Variants in SPATA17 observed in about 807,000 individuals in gnomAD.
The protein encoded by SPATA17 is spermatogenesis associated 17.
SPATA17 carries 53 observed loss-of-function variants against 62.2 expected under a neutral mutation model. The observed-to-expected ratio is 0.85, with a 90% confidence interval of 0.68 to 1.07. The LOEUF is 1.07. Ranked by LOEUF, SPATA17 falls within the 50% of genes least tolerant of loss-of-function variation. SPATA17 has a pLI of 0.00. For synonymous variants in SPATA17, 146 were observed against 146.8 expected (o/e 0.99, Z 0.04); for missense variants, 466 against 425.5 (o/e 1.10, Z -0.84).
Position 217,868,572 on chromosome 1 carries a change from T to C in SPATA17, c.*1553T>C, listed in dbSNP as rs975879539. ...ACAGCCCATGTAATTTATTGAATAT[T>C]GTACTAAAAGTGAAAAACTGAATAG... On this transcript the variant is annotated 3_prime_UTR_variant, in exon 11 of 11. Transcript: ENST00000366933. 6.6e-6 allele frequency: 1 copy of C among 152,052 alleles called. No homozygotes were observed. The highest frequency in any genetic ancestry group is 1.5e-5 in the Non-Finnish European group (1 of 68,006). The allele number at this position is 152,052 out of a possible 1,614,324, so 9.4% of individuals were successfully genotyped here.
At chr1:217,773,179 C>T (rs756813675) in intron 6 of SPATA17, among the ~76,000 whole-genome samples, 1 of 152,072 alleles carries the variant, frequency 6.6e-6, no homozygotes, top group Non-Finnish European at 1.5e-5. Flanking sequence ...CTTAGGTTTT[C>T]GAAGACAGCT....
At chr1:217,769,803 G>A (rs1673392777) in intron 6 of SPATA17, among the ~76,000 whole-genome samples, 2 of 152,172 alleles carry the variant, frequency 1.3e-5, no homozygotes, top group African/African-American at 4.8e-5. Flanking sequence ...CTATATCTGA[G>A]GGTTAACTAT....
intron 5 of SPATA17, among the ~76,000 whole-genome samples, chr1:217,705,303 A>G (rs1477061578): frequency 7.1e-6 from 1 of 141,236 alleles, no homozygotes; most frequent in African/African-American, 2.5e-5. Context: ...TCTGGATATT[A>G]GAACTTTGTC....
chr1:217,767,686 A>G lies in SPATA17; in HGVS notation c.520-6648A>G, dbSNP rs1407232686. Among the ~76,000 whole-genome samples, 3 of 152,160 alleles carry G rather than the reference A, an allele frequency of 2.0e-5. No individual in the cohort carries two copies. The East Asian group carries it at 5.8e-4, about 29-fold the overall frequency. The stretch of plus-strand genomic sequence containing the variant: ...CAAAGCCATTCTTCATTTCTGCTAC[A>G]GTGTTGGTTCTTTAATAGTTTTCCA... On this transcript the variant is annotated intron_variant, in intron 6 of 10. Coordinates refer to ENST00000366933, the MANE Select transcript of SPATA17 (RefSeq NM_138796.4).
chr1:217,668,537 G>A (rs1467815537), intron 3 of SPATA17, among the ~76,000 whole-genome samples: 4 of 152,144 alleles, frequency 2.6e-5, no homozygotes, highest in Non-Finnish European at 5.9e-5. Flanking sequence ...TGCATAGATG[G>A]TTGGAAGGCA....
intron 5 of SPATA17, among the ~76,000 whole-genome samples, chr1:217,738,929 G>C (rs1672570545): frequency 6.6e-6 from 1 of 152,184 alleles, no homozygotes. Flanking sequence ...TCCAGCGTGG[G>C]TGACAGAGCA....
chr1:217,703,525 G>A (rs535683920), intron 5 of SPATA17, among the ~76,000 whole-genome samples: 20 of 152,254 alleles, frequency 1.3e-4, no homozygotes, highest in African/African-American at 4.6e-4. Flanking sequence ...TGTGATGTTG[G>A]TCAAGCTGTC....
intron 1 of SPATA17, among the ~76,000 whole-genome samples, chr1:217,636,916 A>C (rs1258927974): frequency 1.3e-5 from 2 of 152,218 alleles, no homozygotes; most frequent in African/African-American, 2.4e-5. Flanking sequence ...TTTTTTAACA[A>C]TATGTAAGAA....
At chr1:217,809,478 G>A (rs1248116895) in intron 9 of SPATA17, among the ~76,000 whole-genome samples, 6 of 152,184 alleles carry the variant, frequency 3.9e-5, no homozygotes, top group Admixed American at 3.3e-4. Context: ...GCATCTTCCT[G>A]GCTTCTGGTG....
chr1:217,802,336 T>C (rs1260191621), intron 9 of SPATA17, among the ~76,000 whole-genome samples: 1 of 152,224 alleles, frequency 6.6e-6, no homozygotes, highest in African/African-American at 2.4e-5. Flanking sequence ...GAGTGTCATA[T>C]GCACTTTCAT....
chr1:217,756,821 T>C (rs1673054779), intron 6 of SPATA17, among the ~76,000 whole-genome samples: 2 of 152,218 alleles, frequency 1.3e-5, no homozygotes, highest in Non-Finnish European at 2.9e-5. Flanking sequence ...ATCTACTTAG[T>C]ATTTTCATCT....
chr1:217,765,591 T>G (rs746008639), intron 6 of SPATA17, among the ~76,000 whole-genome samples: 2 of 152,024 alleles, frequency 1.3e-5, no homozygotes, highest in African/African-American at 4.8e-5. Flanking sequence ...CTGTTATTGA[T>G]TTCTAGTTTA....
chr1:217,732,106 C>CTCTCTCTCTCTCTCTG (rs1672415073), intron 5 of SPATA17, among the ~76,000 whole-genome samples: 2 of 151,978 alleles, frequency 1.3e-5, no homozygotes, highest in Non-Finnish European at 2.9e-5. Flanking sequence ...CTCTCTCTCT[C>CTCTCTCTCTCTCTCTG]TGTCTCACCA....
chr1:217,850,346 G>T (rs1298318369), intron 9 of SPATA17: 1 of 582,968 alleles, frequency 1.7e-6, no homozygotes, highest in Non-Finnish European at 2.9e-6. Context: ...GGGGGCAGAT[G>T]GCTATAGTGC....
At chr1:217,737,003 T>C (rs1409018719) in intron 5 of SPATA17, among the ~76,000 whole-genome samples, 1 of 152,084 alleles carries the variant, frequency 6.6e-6, no homozygotes, top group African/African-American at 2.4e-5. Context: ...GGAAAACTAA[T>C]ATATGTAATA....
At chr1:217,818,124 T>C (rs1339619492) in intron 9 of SPATA17, among the ~76,000 whole-genome samples, 1 of 152,052 alleles carries the variant, frequency 6.6e-6, no homozygotes, top group Admixed American at 6.6e-5. Flanking sequence ...TATTATTCAT[T>C]GCCAGTATTT....
At chr1:217,862,625 C>T (rs1675920507) in intron 9 of SPATA17, 149 bp from the exon 10 acceptor site, 1 of 564,320 alleles carries the variant, frequency 1.8e-6, no homozygotes, top group African/African-American at 1.9e-5. Context: ...AAAAATTTAC[C>T]TGCTAATTTT....
intron 8 of SPATA17, 127 bp from the exon 9 acceptor site, chr1:217,801,591 T>A (rs913015325): frequency 6.9e-5 from 45 of 655,704 alleles, no homozygotes; most frequent in Middle Eastern, 4.5e-4. Context: ...TGAAATGGAA[T>A]CTAGGTATTC....
intron 5 of SPATA17, among the ~76,000 whole-genome samples, chr1:217,730,431 G>A (rs1404993090): frequency 6.6e-6 from 1 of 152,068 alleles, no homozygotes; most frequent in Non-Finnish European, 1.5e-5. Context: ...TGGCCATGCT[G>A]ATCTCGAACT....
Sources: allele counts gnomAD v4.1 joint callset (sites outside exome capture counted in the v4.1 genomes callset), GRCh38; gene constraint gnomAD v4.1.1; transcripts MANE v1.5; gene names NCBI Gene and HGNC (gene_info 2026-07-23, HGNC 2026-07-21).